CTNND2: variants seen among roughly 807,000 people sequenced by gnomAD.
CTNND2 encodes catenin delta 2.
In CTNND2, 22 loss-of-function variants were observed where a neutral mutation model predicts 144.4. The observed-to-expected ratio is 0.15, with a 90% CI of 0.11 to 0.22. The LOEUF (loss-of-function observed/expected upper bound fraction) is 0.22. Ranked by LOEUF, CTNND2 falls within the 10% of genes least tolerant of loss-of-function variation. The pLI is 1.00. For synonymous variants in CTNND2, 751 were observed against 695.6 expected (o/e 1.08, Z -1.25); for missense variants, 1,353 against 1,618.8 (o/e 0.84, Z 2.82).
intron 1 of CTNND2, among the ~76,000 whole-genome samples, chr5:11,812,772 C>T (rs1257833711): frequency 6.6e-6 from 1 of 152,110 alleles, no homozygotes; most frequent in Non-Finnish European, 1.5e-5. Context: ...AGACAGCCTA[C>T]AATCAAGCTG....
chr5:11,839,906 A>G (rs900676899), intron 1 of CTNND2, among the ~76,000 whole-genome samples: 4 of 152,192 alleles, frequency 2.6e-5, no homozygotes, highest in Admixed American at 2.6e-4. Flanking sequence ...AAGCCTGTCT[A>G]CAGTCAAGAG....
At chr5:11,372,985 C>A (rs1757601608) in intron 7 of CTNND2, among the ~76,000 whole-genome samples, 1 of 152,216 alleles carries the variant, frequency 6.6e-6, no homozygotes, top group Admixed American at 6.5e-5. Context: ...CTTTGTTAGG[C>A]AAACACAAGT....
intron 2 of CTNND2, among the ~76,000 whole-genome samples, chr5:11,676,246 G>A (rs1037985681): frequency 1.3e-5 from 2 of 152,098 alleles, no homozygotes; most frequent in Non-Finnish European, 2.9e-5. Context: ...TATTAGGTTA[G>A]GTACTTAAGT....
At chr5:11,888,071 T>C (rs1419909438) in intron 1 of CTNND2, among the ~76,000 whole-genome samples, 2 of 152,210 alleles carry the variant, frequency 1.3e-5, no homozygotes, top group African/African-American at 2.4e-5. Context: ...AAGTAAACAT[T>C]TGGACAAGAC....
At chr5:11,156,947 A>C (rs970833737) in intron 12 of CTNND2, among the ~76,000 whole-genome samples, 4 of 152,242 alleles carry the variant, frequency 2.6e-5, no homozygotes, top group African/African-American at 9.6e-5. Flanking sequence ...TTGCCCCGTC[A>C]GCAGGTGGTG....
At chr5:11,274,575 T>G (rs1746336190) in intron 9 of CTNND2, among the ~76,000 whole-genome samples, 1 of 145,184 alleles carries the variant, frequency 6.9e-6, no homozygotes, top group African/African-American at 2.6e-5. Flanking sequence ...TTGATTTTGC[T>G]TTCGTTTTTT....
intron 16 of CTNND2, among the ~76,000 whole-genome samples, chr5:11,069,685 CAGAG>C (rs1748034246): frequency 7.0e-6 from 1 of 142,118 alleles, no homozygotes; most frequent in Non-Finnish European, 1.6e-5. Flanking sequence ...GACAGAGAGA[CAGAG>C]AGACAGAGAG....
Position 11,384,524 on chromosome 5 carries a change from C to T in CTNND2, c.1177+141G>A, listed in dbSNP as rs1210472596. On this transcript the variant is annotated intron_variant, in intron 7 of 21. Transcript: ENST00000304623. The surrounding 1 kb of genome is among the most constrained non-coding windows in gnomAD (Gnocchi z 5.2). The stretch of plus-strand genomic sequence containing the variant: ...AAGATACTGACTTGTTCCAGGAAAG[C>T]CCTGGCGTTCTCTGTCTCCTGCAAC... 8.6e-6 allele frequency: 6 copies of T among 700,420 alleles called. No homozygotes were observed. Among genetic ancestry groups the T allele is most frequent in the Non-Finnish European group, 1.4e-5 (6 of 429,178 alleles). The allele number at this position is 700,420 out of a possible 1,614,324, so 43.4% of individuals were successfully genotyped here. A position where few individuals can be genotyped will look rare whatever the true frequency, so the allele number is the denominator to read the frequency against.
At chr5:11,341,926 T>C (rs1330247766) in intron 9 of CTNND2, among the ~76,000 whole-genome samples, 2 of 152,128 alleles carry the variant, frequency 1.3e-5, no homozygotes, top group Non-Finnish European at 2.9e-5. Flanking sequence ...GGGAGGATCA[T>C]TTGAGCCTGG....
chr5:11,067,304 T>C (rs1301865013), intron 16 of CTNND2, among the ~76,000 whole-genome samples: 3 of 152,220 alleles, frequency 2.0e-5, no homozygotes, highest in African/African-American at 7.2e-5. Context: ...TCTAGCATTT[T>C]TGGAGAATGG....
At chr5:11,553,688 T>A (rs1385441852) in intron 3 of CTNND2, among the ~76,000 whole-genome samples, 2 of 152,114 alleles carry the variant, frequency 1.3e-5, no homozygotes, top group Non-Finnish European at 2.9e-5. Flanking sequence ...GATCTATGAG[T>A]CTGAAAAAGC....
intron 16 of CTNND2, among the ~76,000 whole-genome samples, chr5:11,066,565 A>G (rs891991208): frequency 6.7e-6 from 1 of 148,400 alleles, no homozygotes; most frequent in East Asian, 2.0e-4. Flanking sequence ...ATGCCTCTCT[A>G]AACTGTATAA....
rs201814907 is a variant in CTNND2 at position 11,500,096 on chromosome 5, T to G, written c.287+64848A>C. 2.6e-5 allele frequency among the ~76,000 whole-genome samples: 4 copies of G among 152,194 alleles called. No individual in the cohort carries two copies. In the East Asian group the frequency reaches 7.7e-4, roughly 29 times the overall value. ...ATGTTTTTATGTTTCAATCTGAATT[T>G]CCCTCATCTCTGCTGTAAGATGCTG... On this transcript the variant is annotated intron_variant, in intron 3 of 21. Transcript: ENST00000304623.
intron 1 of CTNND2, among the ~76,000 whole-genome samples, chr5:11,796,836 T>A (rs1439836206): frequency 6.6e-6 from 1 of 152,150 alleles, no homozygotes; most frequent in Non-Finnish European, 1.5e-5. Context: ...TGCTAAAAAT[T>A]AATAGTTACA....
intron 3 of CTNND2, among the ~76,000 whole-genome samples, chr5:11,532,362 T>A (rs1773823220): frequency 7.1e-6 from 1 of 141,050 alleles, no homozygotes; most frequent in Non-Finnish European, 1.5e-5. Flanking sequence ...ATTCTCCGTA[T>A]CTTAGTCGGT....
At chr5:11,582,312 AAAATG>A (rs1349452883) in intron 2 of CTNND2, among the ~76,000 whole-genome samples, 2 of 152,240 alleles carry the variant, frequency 1.3e-5, no homozygotes, top group Non-Finnish European at 2.9e-5. Context: ...CAGGGAAAAG[AAAATG>A]AAATGAAATA....
chr5:11,018,971 T>G (rs539589520), intron 17 of CTNND2, among the ~76,000 whole-genome samples: 1 of 152,116 alleles, frequency 6.6e-6, no homozygotes, highest in Non-Finnish European at 1.5e-5. Flanking sequence ...CCTACCAAAG[T>G]GCTGGGATTA....
chr5:11,203,284 C>T (rs558042107), intron 10 of CTNND2, among the ~76,000 whole-genome samples: 31 of 152,276 alleles, frequency 2.0e-4, no homozygotes, highest in African/African-American at 7.0e-4. Flanking sequence ...TCCCCCAAAA[C>T]GACAAGTTGT....
intron 16 of CTNND2, among the ~76,000 whole-genome samples, chr5:11,066,189 G>A (rs925348788): frequency 6.6e-6 from 1 of 151,978 alleles, no homozygotes; most frequent in Admixed American, 6.6e-5. Context: ...ACAGGTGCAC[G>A]CCACCATACC....
Sources: gnomAD v4.1 joint callset for allele counts (sites outside exome capture counted in the v4.1 genomes callset) on GRCh38, gnomAD v4.1.1 for gene constraint, Gnocchi (gnomAD v3.1) non-coding constraint, MANE v1.5 for transcripts, NCBI Gene and HGNC (gene_info 2026-07-23, HGNC 2026-07-21) for gene names.